The following MYO3B variants were observed in gnomAD, a reference collection of about 807,000 sequenced individuals.
The protein encoded by MYO3B is myosin IIIB.
MYO3B carries 156 observed loss-of-function variants against 174.6 expected under a neutral mutation model. The ratio of observed to expected loss-of-function variants is 0.89; its 90% CI spans 0.78 to 1.02. MYO3B has a LOEUF of 1.02. Among genes scored for constraint, MYO3B ranks in the 50% least tolerant of loss-of-function variants. MYO3B has a pLI of 0.00. For synonymous variants in MYO3B, 563 were observed against 569.1 expected, an observed-to-expected ratio of 0.99 and a Z score of 0.15; for missense variants, 1,632 against 1,639.4, an observed-to-expected ratio of 1.00 and a Z score of 0.08.
At chr2:170,602,324 C>T in intron 32 of MYO3B, 2 of 679,978 alleles carry the variant, frequency 2.9e-6, no homozygotes, top group South Asian at 1.7e-5. Flanking sequence ...CAATGTACTG[C>T]AGTGGCTGTG....
intron 1 of MYO3B, among the ~76,000 whole-genome samples, chr2:170,190,364 A>G (rs116060836): frequency 1.3e-5 from 2 of 152,074 alleles, no homozygotes; most frequent in Non-Finnish European, 1.5e-5. Flanking sequence ...TACTGCCTAC[A>G]TTTACTCAAG....
chr2:170,504,434 C>G (rs1356995126), intron 28 of MYO3B, among the ~76,000 whole-genome samples: 1 of 152,194 alleles, frequency 6.6e-6, no homozygotes, highest in Non-Finnish European at 1.5e-5. Flanking sequence ...CCTTTCATCT[C>G]CTTCCCAATA....
intron 7 of MYO3B, among the ~76,000 whole-genome samples, chr2:170,324,118 C>A (rs1240818955): frequency 6.6e-6 from 1 of 152,172 alleles, no homozygotes; most frequent in Non-Finnish European, 1.5e-5. Flanking sequence ...AGGAAAGAGT[C>A]AGAAAGGTGC....
At chr2:170,646,603 C>T (rs960684974) in intron 32 of MYO3B, among the ~76,000 whole-genome samples, 1 of 152,100 alleles carries the variant, frequency 6.6e-6, no homozygotes, top group Non-Finnish European at 1.5e-5. Flanking sequence ...GCCATGTTGC[C>T]TGGGCTGCTC....
intron 7 of MYO3B, among the ~76,000 whole-genome samples, chr2:170,267,537 C>T (rs150956074): frequency 3.4e-4 from 51 of 152,060 alleles, no homozygotes; most frequent in Non-Finnish European, 5.7e-4. Context: ...TCTGTTTTTA[C>T]CATAGAGACA....
intron 7 of MYO3B, among the ~76,000 whole-genome samples, chr2:170,305,593 C>T (rs1361473161): frequency 6.6e-6 from 1 of 152,058 alleles, no homozygotes; most frequent in Non-Finnish European, 1.5e-5. Context: ...CTAATTAATG[C>T]CTTCCCAGGA....
chr2:170,255,847 G>A (rs965347874), intron 7 of MYO3B, among the ~76,000 whole-genome samples: 1 of 152,238 alleles, frequency 6.6e-6, no homozygotes, highest in Non-Finnish European at 1.5e-5. Flanking sequence ...AATCTGGATG[G>A]CAAGGAGGCT....
intron 7 of MYO3B, among the ~76,000 whole-genome samples, chr2:170,248,065 C>G (rs996296310): frequency 6.6e-6 from 1 of 152,194 alleles, no homozygotes; most frequent in African/African-American, 2.4e-5. Flanking sequence ...AGCTCCCCCT[C>G]TTTCTGTGCC....
At chr2:170,432,777 G>A (rs373566869) in intron 22 of MYO3B, among the ~76,000 whole-genome samples, 7 of 151,278 alleles carry the variant, frequency 4.6e-5, no homozygotes, top group South Asian at 2.1e-4. Flanking sequence ...GGGTTTCACC[G>A]TGTTAGCCAG....
intron 25 of MYO3B, among the ~76,000 whole-genome samples, chr2:170,489,784 C>G (rs1021152319): frequency 9.3e-5 from 14 of 150,784 alleles, no homozygotes; most frequent in African/African-American, 3.1e-4. Flanking sequence ...AGGCCTTCAA[C>G]TAATTTTATG....
chr2:170,223,458 ATGT>A (rs573214219), intron 6 of MYO3B, among the ~76,000 whole-genome samples: 2 of 152,326 alleles, frequency 1.3e-5, no homozygotes, highest in South Asian at 4.1e-4. Flanking sequence ...GATTACATTG[ATGT>A]TGTAGATAAA....
rs541110473 is a variant in MYO3B, at chr2:170,599,757, A to G, written c.3734-51871A>G. On this transcript the variant is annotated intron_variant, in intron 32 of 34. Transcript: ENST00000408978. ...AGTGAAACTCCGTCTCAGAAAAACA[A>G]CAAAAAAAGTTCTTTTTGATGTGTT... 4.1e-3 allele frequency among the ~76,000 whole-genome samples: 628 copies of G among 152,272 alleles called. 3 individuals carry two copies. The highest frequency in any genetic ancestry group is 4.9e-3 in the Non-Finnish European group (334 of 68,018).
intron 30 of MYO3B, among the ~76,000 whole-genome samples, chr2:170,520,534 G>C (rs896840155): frequency 7.3e-5 from 11 of 150,840 alleles, no homozygotes; most frequent in Non-Finnish European, 1.3e-4. Context: ...ATCTCATTTG[G>C]GGGAGATATA....
At chr2:170,245,176 G>A (rs1401992054) in intron 7 of MYO3B, among the ~76,000 whole-genome samples, 1 of 152,170 alleles carries the variant, frequency 6.6e-6, no homozygotes, top group Non-Finnish European at 1.5e-5. Flanking sequence ...TCAAGGAAGG[G>A]GTGGTTGGTG....
intron 7 of MYO3B, among the ~76,000 whole-genome samples, chr2:170,291,198 G>A (rs181008042): frequency 3.3e-5 from 5 of 151,450 alleles, no homozygotes; most frequent in Admixed American, 1.3e-4. Flanking sequence ...GCAGTGAGCC[G>A]AGATCACACC....
chr2:170,452,196 TAA>T (rs879449957), intron 23 of MYO3B, among the ~76,000 whole-genome samples: 1 of 141,768 alleles, frequency 7.1e-6, no homozygotes, highest in Admixed American at 7.1e-5. Context: ...CCCCCAAAAG[TAA>T]AAAAAAAAAG....
chr2:170,502,169 C>T (rs1160798333), intron 28 of MYO3B, among the ~76,000 whole-genome samples: 1 of 152,148 alleles, frequency 6.6e-6, no homozygotes, highest in Non-Finnish European at 1.5e-5. Flanking sequence ...CACCATCACA[C>T]AGTTCATCAG....
intron 6 of MYO3B, among the ~76,000 whole-genome samples, chr2:170,227,682 A>G (rs1045530572): frequency 6.6e-6 from 1 of 152,244 alleles, no homozygotes; most frequent in African/African-American, 2.4e-5. Context: ...TGGTGCTGTC[A>G]GCCTGGGTGA....
intron 32 of MYO3B, among the ~76,000 whole-genome samples, chr2:170,561,955 T>TA (rs753827880): frequency 3.2e-4 from 49 of 151,390 alleles, no homozygotes; most frequent in African/African-American, 8.0e-4. Flanking sequence ...TTGATTCCTT[T>TA]AAAAAAAAAC....
Sources: allele counts gnomAD v4.1 joint callset (sites outside exome capture counted in the v4.1 genomes callset), GRCh38; gene constraint gnomAD v4.1.1; transcripts MANE v1.5; gene names NCBI Gene and HGNC (gene_info 2026-07-23, HGNC 2026-07-21).